The following CAMKMT variants were observed in gnomAD, a reference collection of about 807,000 sequenced individuals.
The protein encoded by CAMKMT is calmodulin-lysine N-methyltransferase.
Under a neutral mutation model 48.0 loss-of-function variants are expected in CAMKMT, and 53 were observed. The observed-to-expected ratio is 1.10, with a 90% CI of 0.89 to 1.39. CAMKMT has a LOEUF of 1.39. Among genes scored for constraint, CAMKMT ranks in the 40% most tolerant of loss-of-function variants. The pLI, the probability that CAMKMT is intolerant of heterozygous loss-of-function variation, is 0.00. For missense variants in CAMKMT, 428 were observed against 402.7 expected (o/e 1.06, Z -0.54); for synonymous variants, 165 against 152.3 (o/e 1.08, Z -0.61).
chr2:44,508,540 A>G (rs752224911), intron 3 of CAMKMT, among the ~76,000 whole-genome samples: 1 of 151,444 alleles, frequency 6.6e-6, no homozygotes, highest in Admixed American at 6.6e-5. Context: ...ACAAGAGACC[A>G]TTGTAGACAT....
chr2:44,510,045 A>G (rs1346493284), intron 3 of CAMKMT, among the ~76,000 whole-genome samples: 2 of 152,224 alleles, frequency 1.3e-5, no homozygotes, highest in African/African-American at 4.8e-5. Context: ...CTGAATGTTA[A>G]CATCTTACAT....
chr2:44,536,127 A>G (rs1006147240), intron 3 of CAMKMT, among the ~76,000 whole-genome samples: 16 of 152,228 alleles, frequency 1.1e-4, no homozygotes, highest in African/African-American at 3.6e-4. Context: ...TGCAAAGAAA[A>G]TATCTAGACA....
At chr2:44,546,319 T>G (rs574987437) in intron 3 of CAMKMT, among the ~76,000 whole-genome samples, 39 of 152,304 alleles carry the variant, frequency 2.6e-4, no homozygotes, top group African/African-American at 9.1e-4. Flanking sequence ...AAATTCCAAC[T>G]TTTAGCATTT....
chr2:44,481,242 C>T (rs1668949886), intron 3 of CAMKMT, among the ~76,000 whole-genome samples: 1 of 151,990 alleles, frequency 6.6e-6, no homozygotes, highest in Non-Finnish European at 1.5e-5. Context: ...CTACTAGGAG[C>T]AAAGTATAAA....
intron 3 of CAMKMT, among the ~76,000 whole-genome samples, chr2:44,482,532 G>T (rs698817): frequency 6.6e-6 from 1 of 151,968 alleles, no homozygotes; most frequent in Non-Finnish European, 1.5e-5. Flanking sequence ...ACTAATTTCT[G>T]TACATTTAGG....
intron 3 of CAMKMT, among the ~76,000 whole-genome samples, chr2:44,516,108 A>T (rs999325793): frequency 1.3e-5 from 2 of 152,210 alleles, no homozygotes; most frequent in Non-Finnish European, 2.9e-5. Flanking sequence ...AGGGGTGCTG[A>T]TGGGCAAAAA....
At chr2:44,754,175 C>G in intron 9 of CAMKMT, 57 bp downstream of exon 9, 4 of 1,321,252 alleles carry the variant, frequency 3.0e-6, no homozygotes, top group Non-Finnish European at 3.3e-6. Context: ...AGTCTGTGCA[C>G]AAAGATGGAG....
Position 44,538,978 on chromosome 2 carries a change from G to C in CAMKMT, c.376+148673G>C, listed in dbSNP as rs922221087. Among the ~76,000 whole-genome samples, 5 of 149,824 alleles carry C rather than the reference G, an allele frequency of 3.3e-5. No individual in the cohort carries two copies. In the East Asian group the frequency reaches 9.8e-4, roughly 29 times the overall value. On this transcript the variant is annotated intron_variant, in intron 3 of 10. Transcript: ENST00000378494. Reference sequence around the variant, plus strand: ...TGTGTCTGTGTGTGTGTGTGTGTGTGTGTGTGTGTGTGTGTGTGTGTGTGT... The same window carrying C: ...TGTGTCTGTGTGTGTGTGTGTGTGTCTGTGTGTGTGTGTGTGTGTGTGTGT...
At chr2:44,686,094 T>C (rs1017320249) in intron 3 of CAMKMT, among the ~76,000 whole-genome samples, 10 of 152,170 alleles carry the variant, frequency 6.6e-5, no homozygotes, top group African/African-American at 2.2e-4. Flanking sequence ...GTGACTCTTC[T>C]ATTAAAAGCA....
At position 44,561,715 on chromosome 2, in the gene CAMKMT, T is replaced by C. The variant is rs143316030; in HGVS notation, c.377-142568T>C. ...ATAGATAGACAACAATATTATGGGG[T>C]TTAGAGCAAGTTGCACTTAAGACAT... On this transcript the variant is annotated intron_variant, in intron 3 of 10. Coordinates refer to ENST00000378494, the MANE Select transcript of CAMKMT (RefSeq NM_024766.5). Among the ~76,000 whole-genome samples, 282 of 152,234 alleles carry C rather than the reference T, an allele frequency of 1.9e-3. 1 individual carries two copies. The highest frequency in any genetic ancestry group is 6.5e-3 in the African/African-American group (268 of 41,550).
chr2:44,684,439 T>C (rs1451072384), intron 3 of CAMKMT, among the ~76,000 whole-genome samples: 2 of 152,068 alleles, frequency 1.3e-5, no homozygotes, highest in Non-Finnish European at 2.9e-5. Flanking sequence ...GAGAAAACAA[T>C]TTTCTATATG....
chr2:44,451,451 C>T (rs1667282806), intron 3 of CAMKMT, among the ~76,000 whole-genome samples: 1 of 151,858 alleles, frequency 6.6e-6, no homozygotes, highest in Non-Finnish European at 1.5e-5. Flanking sequence ...TCTACCTTTA[C>T]TGTCCTAACC....
chr2:44,423,646 A>T (rs1161138633), intron 3 of CAMKMT, among the ~76,000 whole-genome samples: 2 of 152,202 alleles, frequency 1.3e-5, no homozygotes, highest in Non-Finnish European at 2.9e-5. Context: ...TGGACTATGA[A>T]CTGCTGGAGA....
At chr2:44,644,745 C>G (rs1349611352) in intron 3 of CAMKMT, among the ~76,000 whole-genome samples, 2 of 152,034 alleles carry the variant, frequency 1.3e-5, no homozygotes, top group Admixed American at 6.6e-5. Context: ...ACTTTTATAG[C>G]TTGGGGTTTT....
intron 3 of CAMKMT, among the ~76,000 whole-genome samples, chr2:44,638,844 C>T (rs1184767081): frequency 6.6e-6 from 1 of 152,198 alleles, no homozygotes; most frequent in Non-Finnish European, 1.5e-5. Context: ...TTGTCAGTGA[C>T]AGAGGCCTTG....
chr2:44,524,237 G>A (rs1400279787), intron 3 of CAMKMT, among the ~76,000 whole-genome samples: 1 of 152,026 alleles, frequency 6.6e-6, no homozygotes, highest in African/African-American at 2.4e-5. Flanking sequence ...TAAAAAAATT[G>A]GGGGCTCATG....
At position 44,721,414 on chromosome 2, in the gene CAMKMT, C is replaced by G. The variant is rs146755495; in HGVS notation, c.623+6061C>G. Reference sequence around the variant, plus strand: ...TATTTGTAACTATGACAAATCATATCAAAAGGTTTCCTAATATTGAAACAT... The same window carrying G: ...TATTTGTAACTATGACAAATCATATGAAAAGGTTTCCTAATATTGAAACAT... On this transcript the variant is annotated intron_variant, in intron 7 of 10. Coordinates refer to ENST00000378494, the MANE Select transcript of CAMKMT (RefSeq NM_024766.5). Among the ~76,000 whole-genome samples, 761 of 152,232 alleles carry G rather than the reference C, an allele frequency of 5.0e-3. 8 individuals are homozygous for G. The highest frequency in any genetic ancestry group is 0.017 in the African/African-American group (714 of 41,542).
chr2:44,575,307 G>A (rs987334426), intron 3 of CAMKMT, among the ~76,000 whole-genome samples: 8 of 151,302 alleles, frequency 5.3e-5, no homozygotes, highest in African/African-American at 1.7e-4. Context: ...TTGAACTCCC[G>A]ACCTCAAGTC....
chr2:44,716,995 C>G (rs1021588378), intron 7 of CAMKMT, among the ~76,000 whole-genome samples: 1 of 152,052 alleles, frequency 6.6e-6, no homozygotes, highest in African/African-American at 2.4e-5. Flanking sequence ...ACAAAAATGT[C>G]AAGTGTTTAA....
Sources: gnomAD v4.1 joint callset for allele counts (sites outside exome capture counted in the v4.1 genomes callset) on GRCh38, gnomAD v4.1.1 for gene constraint, MANE v1.5 for transcripts, NCBI Gene and HGNC (gene_info 2026-07-23, HGNC 2026-07-21) for gene names.